Variants in FHIT observed in about 807,000 individuals in gnomAD.
FHIT encodes the protein fragile histidine triad diadenosine triphosphatase, also known as bis(5'-adenosyl)-triphosphatase.
A neutral mutation model predicts 17.9 loss-of-function variants in FHIT; 19 were observed. The ratio of observed to expected loss-of-function variants is 1.06; its 90% CI spans 0.74 to 1.56. FHIT has a LOEUF of 1.56. Among genes scored for constraint, FHIT ranks in the 40% most tolerant of loss-of-function variants. The probability of loss-of-function intolerance (pLI) is 0.00; values close to 1 mark genes in which losing one functional copy is unlikely to be tolerated. For synonymous variants in FHIT, 81 were observed against 69.7 expected, an observed-to-expected ratio of 1.16 and a Z score of -0.81; for missense variants, 248 against 189.2, an observed-to-expected ratio of 1.31 and a Z score of -1.82.
intron 5 of FHIT, among the ~76,000 whole-genome samples, chr3:60,315,944 G>T (rs114385645): frequency 1.3e-5 from 2 of 152,012 alleles, no homozygotes; most frequent in African/African-American, 4.8e-5. Flanking sequence ...CAAATATTGA[G>T]GCAAAATCAT....
chr3:60,313,138 A>G (rs1709019194), intron 5 of FHIT, among the ~76,000 whole-genome samples: 2 of 152,216 alleles, frequency 1.3e-5, no homozygotes, highest in Non-Finnish European at 2.9e-5. Flanking sequence ...TATCATACTC[A>G]CTGACTCACA....
intron 3 of FHIT, among the ~76,000 whole-genome samples, chr3:60,872,094 T>C (rs1209167352): frequency 1.3e-5 from 2 of 152,140 alleles, no homozygotes; most frequent in African/African-American, 2.4e-5. Flanking sequence ...TCAGTAGGAA[T>C]TGCATGTTTT....
At chr3:59,999,620 G>C (rs1699651234) in intron 7 of FHIT, among the ~76,000 whole-genome samples, 1 of 152,028 alleles carries the variant, frequency 6.6e-6, no homozygotes, top group African/African-American at 2.4e-5. Flanking sequence ...AAACAATAGA[G>C]GACTTTATTG....
At chr3:61,039,653 T>C (rs929643797) in intron 3 of FHIT, among the ~76,000 whole-genome samples, 1 of 152,016 alleles carries the variant, frequency 6.6e-6, no homozygotes, top group Non-Finnish European at 1.5e-5. Context: ...AGTTGAACAA[T>C]GAGAACACAT....
At chr3:59,968,516 T>C (rs1468177137) in intron 7 of FHIT, among the ~76,000 whole-genome samples, 6 of 152,070 alleles carry the variant, frequency 3.9e-5, no homozygotes, top group Non-Finnish European at 5.9e-5. Flanking sequence ...GGAAGCCTAG[T>C]CCATCAAGAA....
intron 8 of FHIT, among the ~76,000 whole-genome samples, chr3:59,896,890 C>T (rs942650738): frequency 3.9e-5 from 6 of 152,078 alleles, no homozygotes; most frequent in South Asian, 4.2e-4. Flanking sequence ...TTTTGGACCA[C>T]GTGATATATC....
At chr3:59,799,438 T>A (rs1699908081) in intron 8 of FHIT, among the ~76,000 whole-genome samples, 1 of 151,776 alleles carries the variant, frequency 6.6e-6, no homozygotes, top group Admixed American at 6.6e-5. Context: ...GCCCTGAAAC[T>A]CCCCTAACAG....
rs1303192841 is a variant in FHIT at position 60,330,712 on chromosome 3, A to C, written c.103+206148T>G. Among the ~76,000 whole-genome samples, 4 of 152,224 alleles carry C rather than the reference A, an allele frequency of 2.6e-5. No homozygotes were observed. The East Asian group carries it at 7.7e-4, about 29-fold the overall frequency. On this transcript the variant is annotated intron_variant, in intron 5 of 9. Coordinates refer to ENST00000492590, the MANE Select transcript of FHIT (RefSeq NM_002012.4). ...GGTTCCCTGCTGTGTTCTTTACAGA[A>C]GTGAAAGACTGGAAATGCATCAATC...
At chr3:60,272,503 A>C (rs1309187626) in intron 5 of FHIT, among the ~76,000 whole-genome samples, 1 of 152,130 alleles carries the variant, frequency 6.6e-6, no homozygotes, top group African/African-American at 2.4e-5. Flanking sequence ...GTAATGATGA[A>C]TCCTTTAATG....
chr3:60,735,715 A>C (rs1183234319), intron 4 of FHIT, among the ~76,000 whole-genome samples: 1 of 152,226 alleles, frequency 6.6e-6, no homozygotes, highest in Admixed American at 6.5e-5. Context: ...GGAGGCAAAA[A>C]GCTCTTAACT....
intron 5 of FHIT, among the ~76,000 whole-genome samples, chr3:60,100,383 CA>C (rs532822371): frequency 3.8e-4 from 56 of 147,372 alleles, no homozygotes; most frequent in African/African-American, 8.9e-4. Context: ...GACTCTGCCT[CA>C]AAAAAAAAAA....
intron 5 of FHIT, among the ~76,000 whole-genome samples, chr3:60,124,273 G>A (rs1269233375): frequency 6.6e-6 from 1 of 151,444 alleles, no homozygotes; most frequent in East Asian, 1.9e-4. Flanking sequence ...AGACCAGTTT[G>A]AAGACTAGCC....
At chr3:60,174,671 A>G (rs1389369704) in intron 5 of FHIT, among the ~76,000 whole-genome samples, 2 of 152,122 alleles carry the variant, frequency 1.3e-5, no homozygotes, top group African/African-American at 2.4e-5. Context: ...TAAATTTCAC[A>G]TAATATAAAA....
intron 5 of FHIT, among the ~76,000 whole-genome samples, chr3:60,321,620 G>T (rs2106807281): frequency 6.6e-6 from 1 of 152,342 alleles, no homozygotes; most frequent in South Asian, 2.1e-4. Flanking sequence ...GAGAACTGCT[G>T]AAATCTGAGG....
At chr3:60,661,161 C>G (rs1378464278) in intron 4 of FHIT, among the ~76,000 whole-genome samples, 6 of 152,104 alleles carry the variant, frequency 3.9e-5, no homozygotes, top group Non-Finnish European at 7.4e-5. Context: ...AATACCCAAA[C>G]AGTATACACT....
chr3:61,204,088 G>C lies in FHIT; in HGVS notation c.-212-3423C>G, dbSNP rs544906840. On this transcript the variant is annotated intron_variant, in intron 1 of 9. Coordinates refer to ENST00000492590, the MANE Select transcript of FHIT (RefSeq NM_002012.4). ...ATATAATGTAAAACAAAAGAAGCAA[G>C]TCACAGAAAGCTATACATATTATTC... Among the ~76,000 whole-genome samples, 65 of 152,244 alleles carry C rather than the reference G, an allele frequency of 4.3e-4. 2 individuals carry two copies. Among genetic ancestry groups the C allele is most frequent in the African/African-American group, 1.5e-3 (63 of 41,532 alleles).
intron 5 of FHIT, among the ~76,000 whole-genome samples, chr3:60,225,850 T>C (rs1419682227): frequency 1.3e-5 from 2 of 152,104 alleles, no homozygotes; most frequent in Non-Finnish European, 2.9e-5. Flanking sequence ...TCTCCACTTT[T>C]GCACTTCCCT....
At chr3:60,467,612 A>G (rs1368775299) in intron 5 of FHIT, among the ~76,000 whole-genome samples, 7 of 151,840 alleles carry the variant, frequency 4.6e-5, no homozygotes, top group Admixed American at 4.6e-4. Flanking sequence ...TTTAATTTCC[A>G]TGTGTTTGTA....
intron 7 of FHIT, among the ~76,000 whole-genome samples, chr3:59,986,294 G>A (rs1219359225): frequency 1.3e-5 from 2 of 151,250 alleles, no homozygotes; most frequent in Non-Finnish European, 1.5e-5. Flanking sequence ...AAATTCAACG[G>A]CACCCCCTTT....
Sources: allele counts gnomAD v4.1 joint callset (sites outside exome capture counted in the v4.1 genomes callset), GRCh38; gene constraint gnomAD v4.1.1; transcripts MANE v1.5; gene names NCBI Gene and HGNC (gene_info 2026-07-23, HGNC 2026-07-21).